Variants in TEK observed in about 807,000 individuals in gnomAD.
The protein encoded by TEK is TEK receptor tyrosine kinase, also known as angiopoietin-1 receptor.
Under a neutral mutation model 131.8 loss-of-function variants are expected in TEK, and 43 were observed. The observed-to-expected ratio is 0.33, with a 90% CI of 0.26 to 0.42. TEK has a LOEUF of 0.42. TEK is among the 10% of genes least tolerant of loss of function. The pLI, the probability that TEK is intolerant of heterozygous loss-of-function variation, is 1.00. For missense variants in TEK, 1,162 were observed against 1,384.4 expected, an observed-to-expected ratio of 0.84 and a Z score of 2.55; for synonymous variants, 580 against 491.6, an observed-to-expected ratio of 1.18 and a Z score of -2.38.
chr9:27,164,444 T>C (rs1267955631), intron 2 of TEK, among the ~76,000 whole-genome samples: 2 of 151,584 alleles, frequency 1.3e-5, no homozygotes, highest in South Asian at 4.2e-4. Context: ...CTAAGCCTCC[T>C]GAGTAGCTGG....
chr9:27,180,129 C>A, intron 6 of TEK, 111 bp from the exon 7 acceptor site: 1 of 1,510,728 alleles, frequency 6.6e-7, no homozygotes. Flanking sequence ...CTACCTTACA[C>A]AAATCAGCAA....
chr9:27,140,396 G>GAAAAAAAA (rs59569720), intron 1 of TEK, among the ~76,000 whole-genome samples: 40 of 113,014 alleles, frequency 3.5e-4, no homozygotes, highest in East Asian at 7.0e-4. Context: ...TAGCAAAAAA[G>GAAAAAAAA]AAAAAAAAAA....
intron 15 of TEK, among the ~76,000 whole-genome samples, chr9:27,208,111 GGCAAAGCAGT>G (rs1409587840): frequency 6.6e-6 from 1 of 152,086 alleles, no homozygotes; most frequent in African/African-American, 2.4e-5. Flanking sequence ...AAATCCTGCA[GGCAAAGCAGT>G]GCATCCAAAG....
chr9:27,169,447 C>G, intron 3 of TEK, 30 bp from the exon 4 acceptor site: 1 of 1,613,328 alleles, frequency 6.2e-7, no homozygotes, highest in Admixed American at 1.7e-5. Flanking sequence ...TCAGTGTGAC[C>G]TACGGTTCTT....
intron 1 of TEK, among the ~76,000 whole-genome samples, chr9:27,155,804 C>T (rs1402956800): frequency 8.4e-5 from 12 of 142,030 alleles, no homozygotes; most frequent in Admixed American, 7.2e-4. Context: ...AGTTCAGACT[C>T]GGGGGAGCAC....
intron 21 of TEK, among the ~76,000 whole-genome samples, chr9:27,227,136 G>C (rs1382045897): frequency 1.3e-5 from 2 of 152,164 alleles, no homozygotes; most frequent in Non-Finnish European, 2.9e-5. Context: ...GACACCCTAA[G>C]CCAATGGTTG....
intron 12 of TEK, among the ~76,000 whole-genome samples, chr9:27,202,516 T>A (rs1445871815): frequency 6.6e-6 from 1 of 152,220 alleles, no homozygotes; most frequent in Non-Finnish European, 1.5e-5. Context: ...ATGCCAGCCC[T>A]CAGAAGCTTT....
intron 1 of TEK, among the ~76,000 whole-genome samples, chr9:27,141,293 A>G (rs1564055897): frequency 1.3e-5 from 2 of 151,390 alleles, no homozygotes; most frequent in African/African-American, 2.4e-5. Flanking sequence ...GGTTATTTTG[A>G]TGTATACACC....
intron 21 of TEK, among the ~76,000 whole-genome samples, chr9:27,226,499 C>T (rs1014193052): frequency 1.3e-5 from 2 of 152,030 alleles, no homozygotes; most frequent in Non-Finnish European, 2.9e-5. Flanking sequence ...CCAAACATTG[C>T]ATGTTCTCAC....
chr9:27,158,286 A>G, intron 2 of TEK, 144 bp downstream of exon 2: 1 of 953,676 alleles, frequency 1.0e-6, no homozygotes, highest in Non-Finnish European at 1.6e-6. Context: ...TCCATGCATC[A>G]CCGTGTCTGG....
chr9:27,226,044 C>T (rs904066698), intron 21 of TEK, among the ~76,000 whole-genome samples: 2 of 152,166 alleles, frequency 1.3e-5, no homozygotes, highest in Non-Finnish European at 2.9e-5. Flanking sequence ...CCATTTCACA[C>T]CAGTTAGAAT....
At chr9:27,218,133 C>G (rs55910117) in intron 19 of TEK, among the ~76,000 whole-genome samples, 121,090 of 142,876 alleles carry the variant, frequency 0.85, 51,662 homozygotes, top group East Asian at 0.99. Flanking sequence ...CAGACAGTGG[C>G]GGGGGTCGTC....
intron 16 of TEK, chr9:27,210,411 G>C (rs1825565178): frequency 5.2e-6 from 1 of 191,130 alleles, no homozygotes; most frequent in Admixed American, 5.3e-5. Context: ...TTCTCTGGAT[G>C]CCCAGGGAAA....
intron 11 of TEK, among the ~76,000 whole-genome samples, chr9:27,194,472 A>G (rs1390272446): frequency 6.6e-6 from 1 of 152,140 alleles, no homozygotes; most frequent in Non-Finnish European, 1.5e-5. Context: ...AAACCCAGAA[A>G]CTATATAGAG....
At chr9:27,206,526 C>T in intron 14 of TEK, 56 bp from the exon 15 acceptor site, 2 of 1,548,066 alleles carry the variant, frequency 1.3e-6, no homozygotes, top group South Asian at 2.3e-5. Flanking sequence ...AGACATTATG[C>T]CCCTTAGAAT....
chr9:27,115,677 C>T (rs1821527019), intron 1 of TEK, among the ~76,000 whole-genome samples: 1 of 152,118 alleles, frequency 6.6e-6, no homozygotes, highest in Non-Finnish European at 1.5e-5. Flanking sequence ...AAAGTCAGGT[C>T]CAGTTATAGT....
chr9:27,201,243 G>GA (rs11380159), intron 12 of TEK, among the ~76,000 whole-genome samples: 72,008 of 151,898 alleles, frequency 0.47, 17,598 homozygotes, highest in Non-Finnish European at 0.51. Flanking sequence ...GCATAAAATG[G>GA]TAAGTTGGTA....
At position 27,175,188 on chromosome 9, in the gene TEK, T is replaced by C. The variant is rs1323357017; in HGVS notation, c.901+1826T>C. Among the ~76,000 whole-genome samples the C allele has an allele frequency of 1.8e-4, 25 of 140,080 alleles. No homozygotes were observed. The South Asian group carries it at 3.3e-3, about 19-fold the overall frequency. 91.9% of individuals were successfully genotyped at this position (140,080 alleles called of 152,430 possible). ...GAGTGTGATGTTCCCCTTCCTGTGTTCATGTGTTCTCACTGTTCAATTCCC... is the reference window on the plus strand; with the variant it reads ...GAGTGTGATGTTCCCCTTCCTGTGTCCATGTGTTCTCACTGTTCAATTCCC... On this transcript the variant is annotated intron_variant, in intron 6 of 22. Transcript: ENST00000380036.
chr9:27,122,138 C>T lies in TEK; in HGVS notation c.52+12496C>T, dbSNP rs574733155. Reference sequence around the variant, plus strand: ...GGTCAGTTCTACTCATCCATTCCAGCTAGCATCTACTGAACCCTTTTTATG... The same window carrying T: ...GGTCAGTTCTACTCATCCATTCCAGTTAGCATCTACTGAACCCTTTTTATG... On this transcript the variant is annotated intron_variant, in intron 1 of 22. Coordinates refer to ENST00000380036, the MANE Select transcript of TEK (RefSeq NM_000459.5). Among the ~76,000 whole-genome samples, 5 of 152,322 alleles carry T rather than the reference C, an allele frequency of 3.3e-5. No individual in the cohort carries two copies. The East Asian group carries it at 9.6e-4, about 29-fold the overall frequency.
Sources: allele counts gnomAD v4.1 joint callset (sites outside exome capture counted in the v4.1 genomes callset), GRCh38; gene constraint gnomAD v4.1.1; transcripts MANE v1.5; gene names NCBI Gene and HGNC (gene_info 2026-07-23, HGNC 2026-07-21).